PACRG: variants seen among roughly 807,000 people sequenced by gnomAD.
PACRG encodes the protein parkin coregulated, also known as parkin coregulated gene protein.
PACRG carries 29 observed loss-of-function variants against 29.7 expected under a neutral mutation model. That is an observed-to-expected ratio of 0.98 (90% CI 0.73 to 1.33). The LOEUF is 1.33. Among genes scored for constraint, PACRG ranks in the 40% most tolerant of loss-of-function variants. PACRG has a pLI of 0.00. For missense variants in PACRG, 279 were observed against 316.2 expected (o/e 0.88, Z 0.89); for synonymous variants, 116 against 118.7 (o/e 0.98, Z 0.15).
chr6:162,859,532 C>A (rs1043501552), intron 2 of PACRG, among the ~76,000 whole-genome samples: 6 of 152,164 alleles, frequency 3.9e-5, no homozygotes, highest in Non-Finnish European at 5.9e-5. Context: ...CACCTTCTCC[C>A]TCCCTCCTTT....
At chr6:163,086,905 A>C (rs566102977) in intron 3 of PACRG, among the ~76,000 whole-genome samples, 1 of 152,102 alleles carries the variant, frequency 6.6e-6, no homozygotes, top group African/African-American at 2.4e-5. Context: ...GTGGGGTATG[A>C]TTCATCCCTT....
chr6:162,988,924 G>A (rs1272697270), intron 2 of PACRG, among the ~76,000 whole-genome samples: 5 of 152,178 alleles, frequency 3.3e-5, no homozygotes, highest in Non-Finnish European at 5.9e-5. Context: ...ATAGGCAGGA[G>A]CTACTGACTG....
At chr6:162,917,214 T>C (rs1796755997) in intron 2 of PACRG, among the ~76,000 whole-genome samples, 1 of 152,100 alleles carries the variant, frequency 6.6e-6, no homozygotes, top group South Asian at 2.1e-4. Context: ...CATTATACAG[T>C]GAGGTAATAT....
At chr6:162,761,209 C>T (rs1428068925) in intron 1 of PACRG, among the ~76,000 whole-genome samples, 2 of 152,178 alleles carry the variant, frequency 1.3e-5, no homozygotes, top group Non-Finnish European at 2.9e-5. Flanking sequence ...AGCCATTTAG[C>T]TCCCCACCTT....
chr6:162,990,699 T>G (rs1240108394), intron 2 of PACRG, among the ~76,000 whole-genome samples: 2 of 128,976 alleles, frequency 1.6e-5, no homozygotes, highest in Non-Finnish European at 3.1e-5. Context: ...GCCTGTTCAC[T>G]CTGATGGTAG....
At chr6:162,804,329 C>T (rs928436782) in intron 1 of PACRG, among the ~76,000 whole-genome samples, 4 of 152,008 alleles carry the variant, frequency 2.6e-5, no homozygotes, top group Admixed American at 1.3e-4. Flanking sequence ...TCAGGTGCCC[C>T]GAATAATCCT....
At chr6:163,134,730 C>T (rs1022953912) in intron 4 of PACRG, among the ~76,000 whole-genome samples, 1 of 152,126 alleles carries the variant, frequency 6.6e-6, no homozygotes, top group Non-Finnish European at 1.5e-5. Flanking sequence ...TTCCCTAATA[C>T]CTACCTAACA....
chr6:162,911,725 G>C (rs1440334165), intron 2 of PACRG, among the ~76,000 whole-genome samples: 3 of 152,160 alleles, frequency 2.0e-5, no homozygotes, highest in African/African-American at 7.2e-5. Flanking sequence ...TTCATTCAAA[G>C]AGGGTTTATT....
chr6:162,855,171 A>G (rs1054335397), intron 2 of PACRG, among the ~76,000 whole-genome samples: 2 of 152,228 alleles, frequency 1.3e-5, no homozygotes, highest in African/African-American at 2.4e-5. Flanking sequence ...CGTAAGCTGG[A>G]GATAATGCCC....
At position 162,904,503 on chromosome 6, in the gene PACRG, A is replaced by T. The variant is rs1461337820; in HGVS notation, c.291+90222A>T. ...CCTGGTGGCAGTGTCCGATTCCTGG[A>T]TACAGCCGTGCTGCCGCCCAACTCA... is the stretch of plus-strand genomic sequence containing the variant. On this transcript the variant is annotated intron_variant, in intron 2 of 4. Coordinates refer to ENST00000366888, the MANE Select transcript of PACRG (RefSeq NM_001080379.2). 2.0e-5 allele frequency among the ~76,000 whole-genome samples: 3 copies of T among 152,182 alleles called. No individual in the cohort carries two copies. The East Asian group carries it at 5.8e-4, about 29-fold the overall frequency.
chr6:162,896,274 T>C (rs1389293590), intron 2 of PACRG, among the ~76,000 whole-genome samples: 9 of 152,188 alleles, frequency 5.9e-5, no homozygotes, highest in Non-Finnish European at 1.0e-4. Flanking sequence ...TTTAGAGGAA[T>C]TGGAGTGGGG....
At chr6:162,987,714 C>G (rs1305706826) in intron 2 of PACRG, among the ~76,000 whole-genome samples, 3 of 152,152 alleles carry the variant, frequency 2.0e-5, no homozygotes, top group African/African-American at 7.2e-5. Flanking sequence ...TCTTTATTAG[C>G]AACATGAGAA....
At chr6:163,168,418 G>C (rs60512818) in intron 4 of PACRG, among the ~76,000 whole-genome samples, 2 of 152,104 alleles carry the variant, frequency 1.3e-5, no homozygotes, top group Non-Finnish European at 2.9e-5. Flanking sequence ...CGGGTTGGGG[G>C]TGGGGGTGGA....
intron 2 of PACRG, among the ~76,000 whole-genome samples, chr6:163,023,012 T>G (rs1337853466): frequency 2.0e-5 from 3 of 152,228 alleles, no homozygotes; most frequent in Non-Finnish European, 4.4e-5. Context: ...TTTCACAAAA[T>G]GCAAATGTTA....
At chr6:163,175,120 A>G (rs1249884404) in intron 4 of PACRG, among the ~76,000 whole-genome samples, 5 of 152,198 alleles carry the variant, frequency 3.3e-5, no homozygotes, top group African/African-American at 4.8e-5. Context: ...CCAGAACTCT[A>G]TACCTCTCAG....
chr6:162,765,232 T>G lies in PACRG; in HGVS notation c.156+36841T>G, dbSNP rs184441410. The stretch of plus-strand genomic sequence containing the variant: ...AACAAGGCTAAGATGCATTTTGAAT[T>G]TGACTCTTGGCCTTTTGTAAGTCTG... On this transcript the variant is annotated intron_variant, in intron 1 of 4. Coordinates refer to ENST00000366888, the MANE Select transcript of PACRG (RefSeq NM_001080379.2). 1.3e-3 allele frequency among the ~76,000 whole-genome samples: 199 copies of G among 152,208 alleles called. 1 individual carries two copies. Among genetic ancestry groups the G allele is most frequent in the South Asian group, 1.9e-3 (9 of 4,828 alleles).
At chr6:162,740,803 G>T (rs1780531435) in intron 1 of PACRG, among the ~76,000 whole-genome samples, 1 of 151,558 alleles carries the variant, frequency 6.6e-6, no homozygotes, top group South Asian at 2.1e-4. Flanking sequence ...GTTTCACCAT[G>T]TTAGCCAGGA....
intron 4 of PACRG, among the ~76,000 whole-genome samples, chr6:163,169,118 A>T (rs1263596486): frequency 6.6e-6 from 1 of 152,232 alleles, no homozygotes; most frequent in Non-Finnish European, 1.5e-5. Flanking sequence ...TTGAGCAAAT[A>T]TCATGAAAAG....
chr6:163,248,939 C>T (rs1327602277), intron 4 of PACRG, among the ~76,000 whole-genome samples: 2 of 150,072 alleles, frequency 1.3e-5, no homozygotes, highest in Non-Finnish European at 3.0e-5. Flanking sequence ...TGGCGTGAAC[C>T]CGGGAGGCAG....
Sources: gnomAD v4.1 joint callset for allele counts (sites outside exome capture counted in the v4.1 genomes callset) on GRCh38, gnomAD v4.1.1 for gene constraint, MANE v1.5 for transcripts, NCBI Gene and HGNC (gene_info 2026-07-23, HGNC 2026-07-21) for gene names.